The following MROH9 variants were observed in gnomAD, a reference collection of about 807,000 sequenced individuals.
MROH9 encodes the protein maestro heat-like repeat-containing protein family member 9.
In MROH9, 92 loss-of-function variants were observed where a neutral mutation model predicts 98.2. The observed-to-expected ratio is 0.94, with a 90% confidence interval of 0.79 to 1.11. The LOEUF is 1.11. MROH9 is among the 50% of genes most tolerant of loss of function. The probability of loss-of-function intolerance (pLI) is 0.00; values close to 1 mark genes in which losing one functional copy is unlikely to be tolerated. For missense variants in MROH9, 1,057 were observed against 1,014.8 expected, an observed-to-expected ratio of 1.04 and a Z score of -0.57; for synonymous variants, 397 against 368.9, an observed-to-expected ratio of 1.08 and a Z score of -0.87.
intron 6 of MROH9, among the ~76,000 whole-genome samples, chr1:170,964,309 C>T (rs1174234700): frequency 1.3e-5 from 2 of 151,888 alleles, no homozygotes. Flanking sequence ...AGCTTCCCTG[C>T]TTCTCAAAAA....
intron 5 of MROH9, among the ~76,000 whole-genome samples, chr1:170,960,745 C>G (rs1649986076): frequency 6.6e-6 from 1 of 152,202 alleles, no homozygotes; most frequent in Non-Finnish European, 1.5e-5. Flanking sequence ...ATCTCAGCCT[C>G]TCAAGTAGCT....
intron 20 of MROH9, among the ~76,000 whole-genome samples, chr1:171,048,436 G>A (rs142163757): frequency 6.6e-6 from 1 of 152,082 alleles, no homozygotes; most frequent in Admixed American, 6.5e-5. Flanking sequence ...ACCATCCCAC[G>A]TCATGAGGAG....
Position 171,042,365 on chromosome 1 carries a change from A to G in MROH9, c.2281+16945A>G, listed in dbSNP as rs558625878. ...GGTATTCCATTGTGTATGTGTATGT[A>G]CCACATTTTCTTTATGCATTAATCT... On this transcript the variant is annotated intron_variant, in intron 20 of 21. Transcript: ENST00000367759. Among the ~76,000 whole-genome samples the G allele has an allele frequency of 2.6e-5, 4 of 152,174 alleles. No homozygotes were observed. In the East Asian group the frequency reaches 7.7e-4, roughly 29 times the overall value.
At position 171,064,664 on chromosome 1, in the gene MROH9, T is replaced by C. The variant is rs756931020; in HGVS notation, c.*324T>C. On this transcript the variant is annotated 3_prime_UTR_variant, in exon 22 of 22. Transcript: ENST00000367759. ...GGAACTTGATTCAGTCCGGAAGCTC[T>C]ACTGAGCACCTTCTAAGTGCCAGAT... 9.3e-6 allele frequency: 2 copies of C among 216,192 alleles called. No homozygotes were observed. Among genetic ancestry groups the C allele is most frequent in the East Asian group, 1.3e-4 (1 of 7,996 alleles). The allele number at this position is 216,192 out of a possible 1,614,324, so 13.4% of individuals were successfully genotyped here. A position where few individuals can be genotyped will look rare whatever the true frequency, so the allele number is the denominator to read the frequency against.
At position 171,003,587 on chromosome 1, in the gene MROH9, A is replaced by C. The variant is rs542646523; in HGVS notation, c.1596+5313A>C. On this transcript the variant is annotated intron_variant, in intron 15 of 21. Transcript: ENST00000367759. Reference sequence around the variant, plus strand: ...GGGGTTGTCTGCACAGAGTCCTGTGATGTGAACCATTTTTGGGTCTCTCAG... The same window carrying C: ...GGGGTTGTCTGCACAGAGTCCTGTGCTGTGAACCATTTTTGGGTCTCTCAG... Among the ~76,000 whole-genome samples the C allele has an allele frequency of 3.2e-4, 49 of 152,264 alleles. 1 individual carries two copies. The South Asian group carries it at 6.4e-3, about 20-fold the overall frequency.
intron 3 of MROH9, among the ~76,000 whole-genome samples, chr1:170,958,051 C>A (rs1213391655): frequency 6.6e-6 from 1 of 152,006 alleles, no homozygotes; most frequent in East Asian, 1.9e-4. Flanking sequence ...CCTCGTGGTC[C>A]CCCCGCCTCG....
chr1:170,951,840 T>C (rs1649564719), intron 3 of MROH9, among the ~76,000 whole-genome samples: 1 of 152,152 alleles, frequency 6.6e-6, no homozygotes, highest in South Asian at 2.1e-4. Context: ...CAGTCACCTG[T>C]GGCTTTAGCT....
At chr1:171,051,917 C>A (rs1226732227) in intron 20 of MROH9, among the ~76,000 whole-genome samples, 1 of 152,038 alleles carries the variant, frequency 6.6e-6, no homozygotes, top group East Asian at 1.9e-4. Context: ...CTTTGCCATG[C>A]TTTGATAGCA....
chr1:170,941,817 C>A (rs1484535172), intron 1 of MROH9, among the ~76,000 whole-genome samples: 1 of 152,130 alleles, frequency 6.6e-6, no homozygotes, highest in Non-Finnish European at 1.5e-5. Context: ...CTGGACACTC[C>A]CGGCGTGAGG....
At chr1:170,990,665 CA>C (rs1413816926) in intron 11 of MROH9, among the ~76,000 whole-genome samples, 1 of 152,128 alleles carries the variant, frequency 6.6e-6, no homozygotes, top group Non-Finnish European at 1.5e-5. Flanking sequence ...GTGTAAAAGG[CA>C]GAGAGTTTTA....
At chr1:170,950,359 T>A (rs1321247959) in intron 3 of MROH9, among the ~76,000 whole-genome samples, 1 of 151,972 alleles carries the variant, frequency 6.6e-6, no homozygotes, top group African/African-American at 2.4e-5. Context: ...CTTAGAATAG[T>A]CCATAAAGGA....
chr1:171,036,311 T>C lies in MROH9; in HGVS notation c.2281+10891T>C, dbSNP rs79990059. On this transcript the variant is annotated intron_variant, in intron 20 of 21. Transcript: ENST00000367759. ...GTGGTCACTGTGTGAACATTCCATG[T>C]GCTGTACTTTTATATGTGTACTTTT... is the stretch of plus-strand genomic sequence containing the variant. 6.9e-3 allele frequency among the ~76,000 whole-genome samples: 1,051 copies of C among 152,230 alleles called. 11 individuals are homozygous for C. Among genetic ancestry groups the C allele is most frequent in the African/African-American group, 0.024 (1,012 of 41,566 alleles).
chr1:171,039,769 A>T (rs890848860), intron 20 of MROH9, among the ~76,000 whole-genome samples: 1 of 152,150 alleles, frequency 6.6e-6, no homozygotes, highest in African/African-American at 2.4e-5. Flanking sequence ...AATACATTGG[A>T]ATACAAAATC....
chr1:170,964,592 C>T (rs571235625), intron 6 of MROH9, among the ~76,000 whole-genome samples: 50 of 152,142 alleles, frequency 3.3e-4, no homozygotes, highest in African/African-American at 1.1e-3. Flanking sequence ...GGATTAAGAA[C>T]AGCTAGAAGG....
intron 15 of MROH9, among the ~76,000 whole-genome samples, chr1:171,011,790 T>C (rs1406427872): frequency 6.6e-6 from 1 of 152,198 alleles, no homozygotes; most frequent in Non-Finnish European, 1.5e-5. Context: ...ACTGCTCATT[T>C]TACTTGTTCT....
chr1:171,055,293 A>G (rs1261907866), intron 20 of MROH9, among the ~76,000 whole-genome samples: 1 of 152,138 alleles, frequency 6.6e-6, no homozygotes, highest in Non-Finnish European at 1.5e-5. Flanking sequence ...CTCACTTATA[A>G]GTGGGAGCTA....
intron 2 of MROH9, among the ~76,000 whole-genome samples, chr1:170,946,156 T>C (rs1435007805): frequency 6.6e-6 from 1 of 152,036 alleles, no homozygotes; most frequent in Non-Finnish European, 1.5e-5. Flanking sequence ...AATATTTGAA[T>C]TCAGGAAAAG....
intron 20 of MROH9, among the ~76,000 whole-genome samples, chr1:171,047,107 T>C (rs1448196585): frequency 2.0e-5 from 3 of 152,202 alleles, no homozygotes; most frequent in African/African-American, 7.2e-5. Context: ...TTCTTTATCC[T>C]TGACCTTTGG....
chr1:171,014,324 A>G lies in MROH9; in HGVS notation c.1734+70A>G, dbSNP rs1019213546. On this transcript the variant is annotated intron_variant, in intron 16 of 21. Coordinates refer to ENST00000367759, the MANE Select transcript of MROH9 (RefSeq NM_001163629.2). ...ATCTGAGATTTTGATGTCACTTAAC[A>G]TCTTCACTGACAAAGCGGTGATATT... The G allele has an allele frequency of 6.5e-6, 9 of 1,382,132 alleles. No individual in the cohort carries two copies. In the African/African-American group the frequency reaches 7.2e-5, roughly 11 times the overall value. The allele number at this position is 1,382,132 out of a possible 1,614,324, so 85.6% of individuals were successfully genotyped here.
Sources: allele counts gnomAD v4.1 joint callset (sites outside exome capture counted in the v4.1 genomes callset), GRCh38; gene constraint gnomAD v4.1.1; transcripts MANE v1.5; gene names NCBI Gene and HGNC (gene_info 2026-07-23, HGNC 2026-07-21).